The following PDE9A variants were observed in gnomAD, a reference collection of about 807,000 sequenced individuals.
PDE9A encodes the protein high affinity cGMP-specific 3',5'-cyclic phosphodiesterase 9A.
In PDE9A, 60 loss-of-function variants were observed where a neutral mutation model predicts 87.4. The observed-to-expected ratio is 0.69, with a 90% CI of 0.56 to 0.85. The LOEUF is 0.85. Ranked by LOEUF, PDE9A falls within the 40% of genes least tolerant of loss-of-function variation. The pLI, the probability that PDE9A is intolerant of heterozygous loss-of-function variation, is 0.00. For missense variants in PDE9A, 665 were observed against 779.0 expected, an observed-to-expected ratio of 0.85 and a Z score of 1.74; for synonymous variants, 272 against 279.4, an observed-to-expected ratio of 0.97 and a Z score of 0.27.
chr21:42,678,228 G>T (rs2058961990), intron 1 of PDE9A, among the ~76,000 whole-genome samples: 1 of 152,230 alleles, frequency 6.6e-6, no homozygotes, highest in South Asian at 2.1e-4. Flanking sequence ...GCCGGCTGCA[G>T]ATCTCTGCTC....
intron 19 of PDE9A, among the ~76,000 whole-genome samples, chr21:42,773,947 C>CA (rs1034623225): frequency 6.3e-4 from 95 of 151,216 alleles, no homozygotes; most frequent in South Asian, 1.9e-3. Flanking sequence ...ACTAAAAATA[C>CA]AAAAAAAATT....
chr21:42,741,688 C>A, intron 7 of PDE9A: 1 of 122,346 alleles, frequency 8.2e-6, no homozygotes. Context: ...TACTTGACCC[C>A]TGACCCTGGA....
At chr21:42,720,468 T>C (rs2050390422) in intron 4 of PDE9A, among the ~76,000 whole-genome samples, 2 of 152,048 alleles carry the variant, frequency 1.3e-5, no homozygotes, top group Admixed American at 1.3e-4. Context: ...CACTCCAGCC[T>C]GGGCAACAAG....
At chr21:42,761,332 C>T (rs2055744381) in intron 13 of PDE9A, among the ~76,000 whole-genome samples, 1 of 152,230 alleles carries the variant, frequency 6.6e-6, no homozygotes, top group South Asian at 2.1e-4. Context: ...AGGCAGGAGC[C>T]AGAAGAGAGC....
At chr21:42,672,214 G>A (rs574554271) in intron 1 of PDE9A, among the ~76,000 whole-genome samples, 9 of 152,306 alleles carry the variant, frequency 5.9e-5, no homozygotes, top group South Asian at 2.1e-4. Context: ...AGCCCACCTC[G>A]CCTTCGTTCA....
In PDE9A at chr21:42,764,896, T is replaced by G. The variant is rs190392824; in HGVS notation, c.1243-485T>G. The stretch of plus-strand genomic sequence containing the variant: ...GATTGATGGGTTTGGGTTTTGTATC[T>G]GATGCTTGTTGTTTTATTTTCTTGG... On this transcript the variant is annotated intron_variant, in intron 14 of 19. Coordinates refer to ENST00000291539, the MANE Select transcript of PDE9A (RefSeq NM_002606.3). Among the ~76,000 whole-genome samples the G allele has an allele frequency of 3.6e-3, 548 of 152,324 alleles. 2 individuals are homozygous for G. The highest frequency in any genetic ancestry group is 1.0e-2 in the African/African-American group (414 of 41,564).
In PDE9A at chr21:42,653,867, A is replaced by G. The variant is rs1173271749; in HGVS notation, c.53A>G (p.Asp18Gly). 5.1e-6 allele frequency: 8 copies of G among 1,563,890 alleles called. No homozygotes were observed. The highest frequency in any genetic ancestry group is 2.8e-5 in the African/African-American group (2 of 71,696). The change falls in exon 1 of 20, where the codon GAT (aspartate) becomes GGT (glycine). Residue 18 changes from aspartate to glycine, a missense_variant. Asp to Gly is a moderately conservative substitution (Grantham distance 94). Coordinates refer to ENST00000291539, the MANE Select transcript of PDE9A (RefSeq NM_002606.3). ...CCCAAGGCCATCTACCTGGACATCG[A>G]TGGACGCATTCAGAAGGTAGCCCCT... ...YRPKAIYLDIDGRIQKVIFSK... is the reference protein window; with the variant it reads ...YRPKAIYLDIGGRIQKVIFSK...
At chr21:42,754,153 C>G (rs2054757195) in intron 10 of PDE9A, 89 bp downstream of exon 10, 2 of 712,732 alleles carry the variant, frequency 2.8e-6, no homozygotes, top group Non-Finnish European at 4.9e-6. Flanking sequence ...CGCTCTTCCT[C>G]CTTCTTGCTT....
chr21:42,772,487 A>G lies in PDE9A; in HGVS notation c.1735A>G (p.Arg579Gly), dbSNP rs1176331284. ...GACGTCTGGGGCCACCGAGAAGTCC[A>G]GAGAGAGAAGCAGAGATGTGAAAAA... ...SLTSGATEKS[R>G]ERSRDVKNSE... The change falls in exon 19 of 20, where the codon AGA (arginine) becomes GGA (glycine). Residue 579 changes from arginine to glycine, a missense_variant. Physicochemically the swap from Arg to Gly is moderately radical, Grantham distance 125 (BLOSUM62 -2). Coordinates refer to ENST00000291539, the MANE Select transcript of PDE9A (RefSeq NM_002606.3). 9 of 1,609,788 alleles carry G rather than the reference A, an allele frequency of 5.6e-6. No homozygotes were observed. The highest frequency in any genetic ancestry group is 7.6e-6 in the Non-Finnish European group (9 of 1,178,276).
chr21:42,754,823 C>T (rs1344081920), intron 10 of PDE9A, among the ~76,000 whole-genome samples: 2 of 152,188 alleles, frequency 1.3e-5, no homozygotes, highest in Non-Finnish European at 2.9e-5. Context: ...TGCCATTCTC[C>T]ATGATTGTGA....
chr21:42,772,442 C>T lies in PDE9A; in HGVS notation c.1690C>T (p.Gln564Ter). Residue 564 changes from glutamine to a stop codon, truncating the protein, a stop_gained, in exon 19 of 20, where the codon CAG (glutamine) becomes TAG (stop). Transcript: ENST00000291539. LOFTEE classifies it high-confidence loss of function. ...CCTTCTCTGTACTCTGTTCCAGTTACAGAAGAAGACTGACAGCTTGACGTC... is the reference window on the plus strand; with the variant it reads ...CCTTCTCTGTACTCTGTTCCAGTTATAGAAGAAGACTGACAGCTTGACGTC... ...KRIDDAMKEL[Q>*]KKTDSLTSGA... 1.9e-6 allele frequency: 3 copies of T among 1,607,066 alleles called. No individual in the cohort carries two copies. Among genetic ancestry groups the T allele is most frequent in the East Asian group, 2.2e-5 (1 of 44,826 alleles).
intron 1 of PDE9A, among the ~76,000 whole-genome samples, chr21:42,676,972 T>A (rs2284960): frequency 2.0e-3 from 299 of 152,168 alleles, no homozygotes; most frequent in African/African-American, 7.0e-3. Context: ...AGCAGTGAGC[T>A]CCACGGGGCC....
chr21:42,742,386 T>G (rs62213392), intron 7 of PDE9A, among the ~76,000 whole-genome samples: 10,531 of 146,500 alleles, frequency 0.072, 515 homozygotes, highest in African/African-American at 0.15. Context: ...TAGTGGGTGG[T>G]GGGAAGCCAG....
At position 42,695,517 on chromosome 21, in the gene PDE9A, G is replaced by T. The variant is rs1156284880; in HGVS notation, c.219-3451G>T. ...AGAGGGCCAGAGGACGGCGCCGTGCGACACACACCATTGCTCCTTTTGTTC... is the reference window on the plus strand; with the variant it reads ...AGAGGGCCAGAGGACGGCGCCGTGCTACACACACCATTGCTCCTTTTGTTC... On this transcript the variant is annotated intron_variant, in intron 3 of 19. Transcript: ENST00000291539. This position sits in a 1 kb window ranked among gnomAD's most constrained non-coding sequence, Gnocchi z 4.3. Among the ~76,000 whole-genome samples the T allele has an allele frequency of 6.6e-6, 1 of 152,226 alleles. No individual in the cohort carries two copies. The highest frequency in any genetic ancestry group is 2.4e-5 in the African/African-American group (1 of 41,454).
chr21:42,672,176 CAG>C (rs1263384979), intron 1 of PDE9A, among the ~76,000 whole-genome samples: 1 of 152,320 alleles, frequency 6.6e-6, no homozygotes, highest in South Asian at 2.1e-4. Flanking sequence ...ACAAGGCAAA[CAG>C]AGCTGCACAT....
At chr21:42,753,487 TC>T (rs926522843) in intron 9 of PDE9A, among the ~76,000 whole-genome samples, 52 of 151,890 alleles carry the variant, frequency 3.4e-4, no homozygotes, top group African/African-American at 1.2e-3. Context: ...GCCTCTGGCA[TC>T]CACCGATGGG....
chr21:42,686,318 C>A, intron 2 of PDE9A, 56 bp downstream of exon 2: 3 of 1,445,156 alleles, frequency 2.1e-6, no homozygotes, highest in South Asian at 1.1e-5. Context: ...CTCGCCTTTT[C>A]GGGATGGCTG....
At chr21:42,688,945 A>T (rs903730130) in intron 3 of PDE9A, among the ~76,000 whole-genome samples, 3 of 150,890 alleles carry the variant, frequency 2.0e-5, no homozygotes, top group Non-Finnish European at 3.0e-5. Context: ...GGACGTGGCC[A>T]GTGCTGCCTC....
Position 42,702,796 on chromosome 21 carries a change from A to C in PDE9A, c.262+3785A>C, listed in dbSNP as rs764841724. ...TTCCACTCTGGCTGTTTAGAGTGCA[A>C]ATGTTTGGAGATGAGAATGAAAGCG... On this transcript the variant is annotated intron_variant, in intron 4 of 19. Transcript: ENST00000291539. The surrounding 1 kb of genome is among the most constrained non-coding windows in gnomAD (Gnocchi z 4.9). Among the ~76,000 whole-genome samples the C allele has an allele frequency of 5.8e-4, 89 of 152,180 alleles. No individual in the cohort carries two copies. The highest frequency in any genetic ancestry group is 1.1e-3 in the Non-Finnish European group (72 of 68,046).
Sources: gnomAD v4.1 joint callset for allele counts (sites outside exome capture counted in the v4.1 genomes callset) on GRCh38, gnomAD v4.1.1 for gene constraint, Gnocchi (gnomAD v3.1) non-coding constraint, MANE v1.5 for transcripts, NCBI Gene and HGNC (gene_info 2026-07-23, HGNC 2026-07-21) for gene names.